Variants in PTPRN2 observed in about 807,000 individuals in gnomAD.
PTPRN2 encodes the protein protein tyrosine phosphatase receptor type N2.
A neutral mutation model predicts 118.8 loss-of-function variants in PTPRN2; 74 were observed. The ratio of observed to expected loss-of-function variants is 0.62; its 90% CI spans 0.52 to 0.76. The LOEUF is 0.76. Ranked by LOEUF, PTPRN2 falls within the 30% of genes least tolerant of loss-of-function variation. PTPRN2 has a pLI of 0.00. For missense variants in PTPRN2, 1,481 were observed against 1,394.4 expected, an observed-to-expected ratio of 1.06 and a Z score of -0.99; for synonymous variants, 641 against 608.0, an observed-to-expected ratio of 1.05 and a Z score of -0.80.
intron 12 of PTPRN2, among the ~76,000 whole-genome samples, chr7:157,807,606 C>T (rs1805712942): frequency 6.6e-6 from 1 of 152,222 alleles, no homozygotes. Context: ...GTTTGCCTGG[C>T]CCAATTCATC....
At chr7:158,213,206 TTGTGTGTGTGTGTGTGTGTGTGTG>T (rs57665784) in intron 3 of PTPRN2, among the ~76,000 whole-genome samples, 2 of 140,368 alleles carry the variant, frequency 1.4e-5, no homozygotes, top group South Asian at 4.8e-4. Flanking sequence ...GGCTCTGTGC[TTGTGTGTGTGTGTGTGTGTGTGTG>T]TGTGTGTGTG....
intron 11 of PTPRN2, among the ~76,000 whole-genome samples, chr7:157,969,810 T>C (rs1802194506): frequency 6.7e-6 from 1 of 150,244 alleles, no homozygotes. Flanking sequence ...AAGGCTGGAG[T>C]CACAGACCTG....
chr7:158,188,740 CT>C (rs1563578210), intron 5 of PTPRN2, among the ~76,000 whole-genome samples: 30 of 149,948 alleles, frequency 2.0e-4, no homozygotes, highest in South Asian at 1.9e-3. Flanking sequence ...CGCTCGCCGC[CT>C]TGTATGGGGA....
chr7:157,918,826 G>A lies in PTPRN2; in HGVS notation c.1724-20089C>T, dbSNP rs1171392740. ...GGAAGAAGTGATCACAGTACAAAGA[G>A]ATGCCACTCGCAGCCTGAGGGACGG... On this transcript the variant is annotated intron_variant, in intron 11 of 22. Coordinates refer to ENST00000389418, the MANE Select transcript of PTPRN2 (RefSeq NM_002847.5). Among the ~76,000 whole-genome samples the A allele has an allele frequency of 2.0e-5, 3 of 152,214 alleles. No individual in the cohort carries two copies. The South Asian group carries it at 6.2e-4, about 32-fold the overall frequency.
intron 12 of PTPRN2, among the ~76,000 whole-genome samples, chr7:157,732,506 C>T (rs1170863087): frequency 6.6e-4 from 14 of 21,236 alleles, no homozygotes; most frequent in African/African-American, 1.4e-3. Context: ...GCACAGTTAC[C>T]CTTTCCCGTC....
At chr7:158,485,162 G>A (rs995332692) in intron 2 of PTPRN2, among the ~76,000 whole-genome samples, 4 of 152,186 alleles carry the variant, frequency 2.6e-5, no homozygotes, top group Admixed American at 2.6e-4. Flanking sequence ...ACGAGACACG[G>A]AGCCGACAGG....
At position 157,622,357 on chromosome 7, in the gene PTPRN2, C is replaced by T. The variant is rs746904251; in HGVS notation, c.2197-848G>A. Among the ~76,000 whole-genome samples the T allele has an allele frequency of 6.6e-6, 1 of 152,108 alleles. No individual in the cohort carries two copies. The highest frequency in any genetic ancestry group is 2.4e-5 in the African/African-American group (1 of 41,424). ...TAAAGCATGCATGTGTACACATGGT[C>T]CTTTGCTGCAAAGCGGCCACGCATT... On this transcript the variant is annotated intron_variant, in intron 14 of 22. Transcript: ENST00000389418. This position sits in a 1 kb window ranked among gnomAD's most constrained non-coding sequence, Gnocchi z 5.3.
intron 11 of PTPRN2, among the ~76,000 whole-genome samples, chr7:157,961,258 G>A (rs930095285): frequency 1.3e-5 from 2 of 151,792 alleles, no homozygotes; most frequent in Non-Finnish European, 2.9e-5. Flanking sequence ...AAGGTCAGGC[G>A]TGGTAGCTCA....
chr7:158,420,385 C>T (rs1815151727), intron 2 of PTPRN2, among the ~76,000 whole-genome samples: 1 of 152,160 alleles, frequency 6.6e-6, no homozygotes, highest in Admixed American at 6.5e-5. Context: ...CCACATTTGG[C>T]TCCTTTCAGA....
chr7:158,341,466 T>G (rs867432574), intron 2 of PTPRN2, among the ~76,000 whole-genome samples: 2 of 114,786 alleles, frequency 1.7e-5, no homozygotes, highest in Non-Finnish European at 1.7e-5. Flanking sequence ...TCAGACGTCA[T>G]TCACACCCAC....
intron 3 of PTPRN2, among the ~76,000 whole-genome samples, chr7:158,275,652 CAAGT>C (rs1310444878): frequency 6.6e-6 from 1 of 152,200 alleles, no homozygotes; most frequent in Non-Finnish European, 1.5e-5. Flanking sequence ...CACGTAATCG[CAAGT>C]AATTTTTGTT....
At chr7:158,407,186 G>C (rs536379179) in intron 2 of PTPRN2, among the ~76,000 whole-genome samples, 703 of 17,352 alleles carry the variant, frequency 0.041, 20 homozygotes, top group Admixed American at 0.1. Flanking sequence ...CTGCGTCCTG[G>C]GTCCTGGGTC....
intron 3 of PTPRN2, among the ~76,000 whole-genome samples, chr7:158,290,526 C>T (rs1048707201): frequency 6.6e-6 from 1 of 152,096 alleles, no homozygotes; most frequent in Non-Finnish European, 1.5e-5. Flanking sequence ...CTGAAGCCTC[C>T]GTCCTTGGGT....
At position 157,553,043 on chromosome 7, in the gene PTPRN2, C is replaced by T. The variant is rs75277606; in HGVS notation, c.2903-4024G>A. 2.5e-3 allele frequency among the ~76,000 whole-genome samples: 378 copies of T among 152,302 alleles called. 3 individuals are homozygous for T. Among genetic ancestry groups the T allele is most frequent in the African/African-American group, 8.4e-3 (350 of 41,554 alleles). On this transcript the variant is annotated intron_variant, in intron 21 of 22. Coordinates refer to ENST00000389418, the MANE Select transcript of PTPRN2 (RefSeq NM_002847.5). The stretch of plus-strand genomic sequence containing the variant: ...AGCCTTCCAGGCACGAGGACAGCAG[C>T]GGCTTCTACGGGGACCCCTCAGCTT...
At chr7:157,843,612 A>G (rs2151189106) in intron 12 of PTPRN2, among the ~76,000 whole-genome samples, 1 of 152,350 alleles carries the variant, frequency 6.6e-6, no homozygotes, top group African/African-American at 2.4e-5. Context: ...CGGCTGGTGC[A>G]GAAAAACACA....
At chr7:158,134,443 A>AAATAAT (rs552689740) in intron 8 of PTPRN2, among the ~76,000 whole-genome samples, 2 of 151,998 alleles carry the variant, frequency 1.3e-5, no homozygotes, top group African/African-American at 2.4e-5. Context: ...AATGAACACT[A>AAATAAT]AATAATAATA....
chr7:158,101,275 G>A (rs1815204676), intron 10 of PTPRN2, among the ~76,000 whole-genome samples: 1 of 152,116 alleles, frequency 6.6e-6, no homozygotes, highest in Non-Finnish European at 1.5e-5. Flanking sequence ...GTGGGGAAAG[G>A]ACACTCTAGT....
chr7:157,739,802 C>T (rs558101292), intron 12 of PTPRN2, among the ~76,000 whole-genome samples: 4 of 152,332 alleles, frequency 2.6e-5, no homozygotes, highest in East Asian at 3.9e-4. Context: ...TTGGTTCTGA[C>T]GGCAGAGAAC....
intron 15 of PTPRN2, among the ~76,000 whole-genome samples, chr7:157,612,953 G>A (rs1802467326): frequency 6.6e-6 from 1 of 152,126 alleles, no homozygotes; most frequent in South Asian, 2.1e-4. Flanking sequence ...GCCCGGGTCT[G>A]CGGCTCCGTG....
Sources: allele counts gnomAD v4.1 joint callset (sites outside exome capture counted in the v4.1 genomes callset), GRCh38; gene constraint gnomAD v4.1.1; non-coding constraint Gnocchi (gnomAD v3.1); transcripts MANE v1.5; gene names NCBI Gene and HGNC (gene_info 2026-07-23, HGNC 2026-07-21).